The following TBC1D15 variants were observed in gnomAD, a reference collection of about 807,000 sequenced individuals.
The protein encoded by TBC1D15 is TBC1 domain family member 15, also known as GAP for RAB7.
In TBC1D15, 39 loss-of-function variants were observed where a neutral mutation model predicts 95.4. The observed-to-expected ratio is 0.41, with a 90% CI of 0.32 to 0.53. The LOEUF is 0.53. Ranked by LOEUF, TBC1D15 falls within the 20% of genes least tolerant of loss-of-function variation. The pLI is 0.29. For missense variants in TBC1D15, 733 were observed against 794.3 expected (o/e 0.92, Z 0.93); for synonymous variants, 258 against 261.3 (o/e 0.99, Z 0.12).
At position 71,917,721 on chromosome 12, in the gene TBC1D15, G is replaced by C. The variant is rs1311323912; in HGVS notation, c.1425G>C (p.Met475Ile). The C allele has an allele frequency of 6.2e-7, 1 of 1,611,390 alleles. No homozygotes were observed. ...DQMHQNFEEQ[M>I]QGMKTQLIQL... is the part of the protein sequence containing the mutation. ...AGCATCAGAATTTTGAAGAACAAAT[G>C]CAAGGCATGAAGACCCAGCTAATTC... The change falls in exon 13 of 17, where the codon ATG (methionine) becomes ATC (isoleucine). Residue 475 changes from methionine to isoleucine, a missense_variant. Physicochemically the swap from Met to Ile is conservative, Grantham distance 10. Coordinates refer to ENST00000485960, the MANE Select transcript of TBC1D15 (RefSeq NM_001146213.3).
At chr12:71,896,496 G>T in intron 8 of TBC1D15, 181 bp from the exon 9 acceptor site, 1 of 594,920 alleles carries the variant, frequency 1.7e-6, no homozygotes, top group Non-Finnish European at 3.0e-6. Context: ...AAACTTTCTG[G>T]CAGCTGCTTA....
chr12:71,872,093 A>C lies in TBC1D15; in HGVS notation c.54A>C (p.Val18=). The change falls in exon 2 of 17, where the codon GTA becomes GTC. Residue 18 remains valine, a synonymous_variant. Coordinates refer to ENST00000485960, the MANE Select transcript of TBC1D15 (RefSeq NM_001146213.3). ...SGKIIYEQEG[V]YIHSSCGKTN... Reference sequence around the variant, plus strand: ...AGATTATATATGAACAAGAAGGAGTATATATTCACTCATCTTGTGGAAAGA... The same window carrying C: ...AGATTATATATGAACAAGAAGGAGTCTATATTCACTCATCTTGTGGAAAGA... 1 of 1,562,404 alleles carries C rather than the reference A, an allele frequency of 6.4e-7. No homozygotes were observed. The highest frequency in any genetic ancestry group is 8.6e-7 in the Non-Finnish European group (1 of 1,156,352).
chr12:71,880,360 C>A, intron 3 of TBC1D15, 109 bp from the exon 4 acceptor site: 1 of 823,594 alleles, frequency 1.2e-6, no homozygotes, highest in Non-Finnish European at 1.8e-6. Flanking sequence ...AGTTTTCCCA[C>A]CAGTGATGTC....
chr12:71,866,595 C>T (rs578062626), intron 1 of TBC1D15, among the ~76,000 whole-genome samples: 2 of 152,254 alleles, frequency 1.3e-5, no homozygotes, highest in South Asian at 2.1e-4. Flanking sequence ...TCCTATGATG[C>T]ACTCTAGTGC....
Position 71,853,141 on chromosome 12 carries a change from A to G in TBC1D15, c.30+13330A>G, listed in dbSNP as rs148908880. On this transcript the variant is annotated intron_variant, in intron 1 of 16. Coordinates refer to ENST00000485960, the MANE Select transcript of TBC1D15 (RefSeq NM_001146213.3). ...GGCATCTGCTCAGGTTCTAGGGAGG[A>G]CTCAGGAAACTTACAATCATGGCGG... is the stretch of plus-strand genomic sequence containing the variant. Among the ~76,000 whole-genome samples the G allele has an allele frequency of 4.1e-3, 623 of 152,210 alleles. 2 individuals are homozygous for G. The highest frequency in any genetic ancestry group is 6.8e-3 in the Non-Finnish European group (463 of 68,020).
chr12:71,905,257 A>G (rs1235157378), intron 10 of TBC1D15, among the ~76,000 whole-genome samples: 1 of 152,204 alleles, frequency 6.6e-6, no homozygotes, highest in East Asian at 1.9e-4. Context: ...ATGGTAATAT[A>G]AATTATGCTT....
At chr12:71,839,898 G>C in intron 1 of TBC1D15, 87 bp downstream of exon 1, 4 of 1,525,522 alleles carry the variant, frequency 2.6e-6, no homozygotes, top group Non-Finnish European at 3.6e-6. Flanking sequence ...GGAGGGACAC[G>C]AGGGACTTTC....
At chr12:71,865,900 C>T (rs565467307) in intron 1 of TBC1D15, among the ~76,000 whole-genome samples, 3 of 152,056 alleles carry the variant, frequency 2.0e-5, no homozygotes, top group East Asian at 1.9e-4. Flanking sequence ...TTCCCTGGGA[C>T]GGAAGGTGCC....
chr12:71,923,574 G>T lies in TBC1D15; in HGVS notation c.*370G>T, dbSNP rs1870213309. 5.6e-6 allele frequency: 1 copy of T among 179,276 alleles called. No homozygotes were observed. 11.1% of individuals were successfully genotyped at this position (179,276 alleles called of 1,614,324 possible). A position where few individuals can be genotyped will look rare whatever the true frequency, so the allele number is the denominator to read the frequency against. On this transcript the variant is annotated 3_prime_UTR_variant, in exon 17 of 17. Coordinates refer to ENST00000485960, the MANE Select transcript of TBC1D15 (RefSeq NM_001146213.3). The stretch of plus-strand genomic sequence containing the variant: ...CAGATTTGATTAAATTAAATGTGGA[G>T]GCTTTCTATAGCATTCTAAGCTGAG...
Position 71,896,142 on chromosome 12 carries a change from G to T in TBC1D15, c.984+67G>T, listed in dbSNP as rs571316610. On this transcript the variant is annotated intron_variant, in intron 8 of 16. Coordinates refer to ENST00000485960, the MANE Select transcript of TBC1D15 (RefSeq NM_001146213.3). ...AGTATTTAGGGGTTTTGTTGTTATC[G>T]TTACTGTTTTGGTGTGTTTTTTTTT... 4.6e-6 allele frequency: 6 copies of T among 1,303,928 alleles called. No homozygotes were observed. The South Asian group carries it at 5.7e-5, about 12-fold the overall frequency. The allele number at this position is 1,303,928 out of a possible 1,614,324, so 80.8% of individuals were successfully genotyped here. A position where few individuals can be genotyped will look rare whatever the true frequency, so the allele number is the denominator to read the frequency against.
In TBC1D15 at chr12:71,924,017, ATTAAT is replaced by A. The variant is rs1377948515; in HGVS notation, c.*815_*819del. The A allele has an allele frequency of 6.6e-6, 1 of 152,590 alleles. No homozygotes were observed. Among genetic ancestry groups the A allele is most frequent in the Admixed American group, 6.5e-5 (1 of 15,274 alleles). The allele number at this position is 152,590 out of a possible 1,614,324, so 9.5% of individuals were successfully genotyped here. A position where few individuals can be genotyped will look rare whatever the true frequency, so the allele number is the denominator to read the frequency against. ...ACCCTGTACCTGGTGTAATTTTAAAATTAATTGCTTGTAACCTCACTTTACTAATA... is the reference window on the plus strand; with the variant it reads ...ACCCTGTACCTGGTGTAATTTTAAAATGCTTGTAACCTCACTTTACTAATA... On this transcript the variant is annotated 3_prime_UTR_variant, in exon 17 of 17. Coordinates refer to ENST00000485960, the MANE Select transcript of TBC1D15 (RefSeq NM_001146213.3).
intron 1 of TBC1D15, among the ~76,000 whole-genome samples, chr12:71,846,782 G>A (rs1157709119): frequency 1.5e-5 from 2 of 131,322 alleles, no homozygotes; most frequent in African/African-American, 5.8e-5. Flanking sequence ...TTTGCCCTGA[G>A]ACATGGCCTT....
At chr12:71,914,337 A>G (rs1196072601) in intron 12 of TBC1D15, among the ~76,000 whole-genome samples, 1 of 151,990 alleles carries the variant, frequency 6.6e-6, no homozygotes, top group African/African-American at 2.4e-5. Context: ...TTGTCATTAT[A>G]GTAACTGATT....
At chr12:71,885,539 G>C (rs2138549512) in intron 5 of TBC1D15, among the ~76,000 whole-genome samples, 1 of 152,206 alleles carries the variant, frequency 6.6e-6, no homozygotes, top group East Asian at 1.9e-4. Flanking sequence ...ATATTTTTTG[G>C]GTATCTGTTA....
intron 3 of TBC1D15, among the ~76,000 whole-genome samples, chr12:71,875,315 C>T (rs536594207): frequency 3.3e-5 from 5 of 152,184 alleles, no homozygotes; most frequent in African/African-American, 7.2e-5. Context: ...CATTTTTTCC[C>T]GTATGGTGGA....
chr12:71,842,650 A>G (rs1350651822), intron 1 of TBC1D15, among the ~76,000 whole-genome samples: 1 of 151,350 alleles, frequency 6.6e-6, no homozygotes, highest in Non-Finnish European at 1.5e-5. Context: ...GGGCAACATA[A>G]CTAGACCCTG....
intron 11 of TBC1D15, among the ~76,000 whole-genome samples, chr12:71,910,076 A>G (rs986044123): frequency 1.3e-5 from 2 of 152,082 alleles, no homozygotes; most frequent in African/African-American, 4.8e-5. Context: ...AGCTTTCTAC[A>G]TATGGCTAGC....
At chr12:71,860,846 T>C (rs923930045) in intron 1 of TBC1D15, among the ~76,000 whole-genome samples, 2 of 152,212 alleles carry the variant, frequency 1.3e-5, no homozygotes, top group African/African-American at 4.8e-5. Context: ...TTAAGTATGA[T>C]GTTGGCTGTA....
At chr12:71,884,491 G>T (rs1258943497) in intron 4 of TBC1D15, among the ~76,000 whole-genome samples, 1 of 152,160 alleles carries the variant, frequency 6.6e-6, no homozygotes, top group African/African-American at 2.4e-5. Context: ...AGGTCATTCA[G>T]TTAGTAAGAT....
Sources: gnomAD v4.1 joint callset for allele counts (sites outside exome capture counted in the v4.1 genomes callset) on GRCh38, gnomAD v4.1.1 for gene constraint, MANE v1.5 for transcripts, NCBI Gene and HGNC (gene_info 2026-07-23, HGNC 2026-07-21) for gene names.